Variants in PARD3B observed in about 807,000 individuals in gnomAD.
PARD3B encodes the protein partitioning defective 3 homolog B.
PARD3B carries 103 observed loss-of-function variants against 130.2 expected under a neutral mutation model. The ratio of observed to expected loss-of-function variants is 0.79; its 90% CI spans 0.67 to 0.93. The LOEUF (loss-of-function observed/expected upper bound fraction) is 0.93. PARD3B is among the 40% of genes least tolerant of loss of function. PARD3B has a pLI of 0.00. For synonymous variants in PARD3B, 583 were observed against 553.2 expected (o/e 1.05, Z -0.76); for missense variants, 1,609 against 1,499.2 (o/e 1.07, Z -1.21).
At chr2:204,932,477 G>A (rs1688101967) in intron 2 of PARD3B, among the ~76,000 whole-genome samples, 1 of 151,988 alleles carries the variant, frequency 6.6e-6, no homozygotes, top group Admixed American at 6.6e-5. Context: ...CCCTAAAGTA[G>A]GTGAAATCTA....
At chr2:204,558,966 T>C (rs2031119700) in intron 1 of PARD3B, among the ~76,000 whole-genome samples, 1 of 152,304 alleles carries the variant, frequency 6.6e-6, no homozygotes. Flanking sequence ...TAATAAATGG[T>C]GCTGGGAAAA....
intron 1 of PARD3B, among the ~76,000 whole-genome samples, chr2:204,598,602 T>C (rs2033388857): frequency 6.6e-6 from 1 of 152,140 alleles, no homozygotes; most frequent in African/African-American, 2.4e-5. Flanking sequence ...GGAATTTATA[T>C]ATGCTAAATT....
intron 18 of PARD3B, among the ~76,000 whole-genome samples, chr2:205,308,021 G>A (rs2042244867): frequency 1.3e-5 from 2 of 152,120 alleles, no homozygotes; most frequent in Admixed American, 1.3e-4. Flanking sequence ...GCTGCCAATA[G>A]GAACTTCATC....
At chr2:204,742,676 C>T (rs2040058351) in intron 2 of PARD3B, among the ~76,000 whole-genome samples, 1 of 152,186 alleles carries the variant, frequency 6.6e-6, no homozygotes, top group African/African-American at 2.4e-5. Flanking sequence ...TGTGTAAACT[C>T]ATTCCTGCAG....
intron 1 of PARD3B, among the ~76,000 whole-genome samples, chr2:204,601,555 G>A (rs7575842): frequency 3.3e-5 from 5 of 151,776 alleles, no homozygotes; most frequent in African/African-American, 1.2e-4. Context: ...AAATAAATAG[G>A]CTTCCCAAAA....
chr2:204,835,425 C>A (rs1015829596), intron 2 of PARD3B, among the ~76,000 whole-genome samples: 2 of 152,110 alleles, frequency 1.3e-5, no homozygotes, highest in African/African-American at 4.8e-5. Context: ...CGTTCCATTT[C>A]TTGTTCCATT....
chr2:204,595,346 G>A (rs1198374556), intron 1 of PARD3B, among the ~76,000 whole-genome samples: 2 of 152,208 alleles, frequency 1.3e-5, no homozygotes, highest in Non-Finnish European at 2.9e-5. Flanking sequence ...GCATTGAAGA[G>A]ATTAGAAATT....
intron 2 of PARD3B, among the ~76,000 whole-genome samples, chr2:204,789,847 G>A (rs1204271325): frequency 2.0e-5 from 3 of 150,088 alleles, no homozygotes; most frequent in Non-Finnish European, 4.4e-5. Flanking sequence ...CTCTAACTTG[G>A]TGAAGGTGAA....
chr2:204,562,896 T>G (rs1350230569), intron 1 of PARD3B, among the ~76,000 whole-genome samples: 1 of 152,200 alleles, frequency 6.6e-6, no homozygotes, highest in Non-Finnish European at 1.5e-5. Flanking sequence ...GTTTCACTTT[T>G]GTCTGTGGCT....
intron 22 of PARD3B, 70 bp from the exon 23 acceptor site, chr2:205,615,386 G>A: frequency 5.2e-6 from 7 of 1,352,300 alleles, no homozygotes; most frequent in Non-Finnish European, 7.1e-6. Flanking sequence ...ACAGGAGGCT[G>A]AGGAACATGT....
At chr2:205,234,708 G>A (rs1199219040) in intron 15 of PARD3B, among the ~76,000 whole-genome samples, 1 of 151,978 alleles carries the variant, frequency 6.6e-6, no homozygotes, top group Non-Finnish European at 1.5e-5. Flanking sequence ...AACGTTTATA[G>A]AACACTCTGC....
chr2:205,168,203 GA>G (rs1170137230), intron 11 of PARD3B, among the ~76,000 whole-genome samples: 1 of 151,848 alleles, frequency 6.6e-6, no homozygotes, highest in South Asian at 2.1e-4. Flanking sequence ...GTTATGGGGG[GA>G]TGCCAGAAGC....
At chr2:204,743,233 G>T (rs968368516) in intron 2 of PARD3B, among the ~76,000 whole-genome samples, 109 of 152,178 alleles carry the variant, frequency 7.2e-4, no homozygotes, top group African/African-American at 2.5e-3. Flanking sequence ...GTGTTGTAAA[G>T]GTGCTCAGAA....
intron 2 of PARD3B, among the ~76,000 whole-genome samples, chr2:204,797,941 G>A (rs1411742913): frequency 6.6e-6 from 1 of 152,084 alleles, no homozygotes; most frequent in Non-Finnish European, 1.5e-5. Context: ...ATTATCTTGG[G>A]ATATATAGTC....
At chr2:204,990,020 T>G (rs1693514270) in intron 3 of PARD3B, among the ~76,000 whole-genome samples, 1 of 152,132 alleles carries the variant, frequency 6.6e-6, no homozygotes, top group Non-Finnish European at 1.5e-5. Flanking sequence ...CACAGTAATT[T>G]TACTAATTCT....
chr2:204,650,429 C>T (rs2035437445), intron 1 of PARD3B, among the ~76,000 whole-genome samples: 1 of 152,120 alleles, frequency 6.6e-6, no homozygotes, highest in Non-Finnish European at 1.5e-5. Context: ...ATCATTCTGC[C>T]ATAAAGACCC....
At chr2:205,150,167 C>T (rs1361862024) in intron 10 of PARD3B, among the ~76,000 whole-genome samples, 2 of 151,358 alleles carry the variant, frequency 1.3e-5, no homozygotes, top group African/African-American at 4.9e-5. Context: ...AGATTTAAAA[C>T]TAAATGAAAT....
intron 3 of PARD3B, among the ~76,000 whole-genome samples, chr2:205,002,319 A>G (rs1176260910): frequency 6.6e-6 from 1 of 152,198 alleles, no homozygotes; most frequent in African/African-American, 2.4e-5. Context: ...CTGACATTTC[A>G]GACAGACCAC....
intron 11 of PARD3B, among the ~76,000 whole-genome samples, chr2:205,168,934 G>C (rs1314475206): frequency 6.6e-6 from 1 of 152,134 alleles, no homozygotes; most frequent in Non-Finnish European, 1.5e-5. Context: ...TTCCAATTCT[G>C]ACCTTAACTA....
Sources: gnomAD v4.1 joint callset for allele counts (sites outside exome capture counted in the v4.1 genomes callset) on GRCh38, gnomAD v4.1.1 for gene constraint, MANE v1.5 for transcripts, NCBI Gene and HGNC (gene_info 2026-07-23, HGNC 2026-07-21) for gene names.